The following WWP1 variants were observed in gnomAD, a reference collection of about 807,000 sequenced individuals.
WWP1 encodes NEDD4-like E3 ubiquitin-protein ligase WWP1.
WWP1 carries 49 observed loss-of-function variants against 130.6 expected under a neutral mutation model. That is an observed-to-expected ratio of 0.38 (90% CI 0.30 to 0.48). The LOEUF (loss-of-function observed/expected upper bound fraction) is 0.48. Among genes scored for constraint, WWP1 ranks in the 20% least tolerant of loss-of-function variants. The pLI is 0.99. For missense variants in WWP1, 809 were observed against 1,100.6 expected (o/e 0.74, Z 3.75); for synonymous variants, 332 against 367.8 (o/e 0.90, Z 1.11).
chr8:86,354,081 C>T (rs1289470622), intron 1 of WWP1, among the ~76,000 whole-genome samples: 1 of 152,182 alleles, frequency 6.6e-6, no homozygotes, highest in Non-Finnish European at 1.5e-5. Context: ...TGGGTGTTGG[C>T]ACCCATGGGC....
At chr8:86,466,422 C>T (rs926190996) in intron 24 of WWP1, among the ~76,000 whole-genome samples, 26 of 151,808 alleles carry the variant, frequency 1.7e-4, no homozygotes, top group African/African-American at 5.6e-4. Context: ...ATAAAAAATT[C>T]TCGGTAAATG....
At chr8:86,451,288 T>C (rs1420722643) in intron 20 of WWP1, among the ~76,000 whole-genome samples, 1 of 139,840 alleles carries the variant, frequency 7.2e-6, no homozygotes, top group African/African-American at 2.7e-5. Flanking sequence ...AGGGAGATTT[T>C]GGTACAGGGA....
chr8:86,405,279 C>T (rs1050403161), intron 8 of WWP1, among the ~76,000 whole-genome samples: 1 of 150,048 alleles, frequency 6.7e-6, no homozygotes, highest in Non-Finnish European at 1.5e-5. Flanking sequence ...TGCTTTTAAT[C>T]TCTTAATCTG....
intron 9 of WWP1, 85 bp from the exon 10 acceptor site, chr8:86,425,138 A>T: frequency 9.9e-7 from 1 of 1,013,124 alleles, no homozygotes; most frequent in Non-Finnish European, 1.5e-6. Flanking sequence ...GCTTATCTGT[A>T]ATTTTTCTGA....
intron 1 of WWP1, among the ~76,000 whole-genome samples, chr8:86,344,058 A>G (rs1192201069): frequency 6.6e-6 from 1 of 152,206 alleles, no homozygotes; most frequent in Non-Finnish European, 1.5e-5. Context: ...CACCTTTTAA[A>G]GAAGAAAGTC....
chr8:86,411,010 A>G (rs1181655165), intron 8 of WWP1, among the ~76,000 whole-genome samples: 1 of 152,226 alleles, frequency 6.6e-6, no homozygotes, highest in African/African-American at 2.4e-5. Flanking sequence ...AAATTAGGAA[A>G]ACTGTGTCAC....
intron 3 of WWP1, among the ~76,000 whole-genome samples, chr8:86,379,914 G>A (rs1314980684): frequency 6.6e-6 from 1 of 152,128 alleles, no homozygotes; most frequent in African/African-American, 2.4e-5. Flanking sequence ...GTATATTGTT[G>A]ATAGGAATAT....
At chr8:86,450,213 C>G (rs1811101969) in intron 20 of WWP1, among the ~76,000 whole-genome samples, 1 of 152,112 alleles carries the variant, frequency 6.6e-6, no homozygotes, top group Non-Finnish European at 1.5e-5. Flanking sequence ...GCTTGGCATT[C>G]TTGGCCTCTT....
Position 86,392,052 on chromosome 8 carries a change from GT to G in WWP1, c.335-6289del, listed in dbSNP as rs1307133414. 2.5e-4 allele frequency among the ~76,000 whole-genome samples: 38 copies of G among 152,204 alleles called. 1 individual carries two copies. ...GGCAGCCTTAAGTTTTCTCAGGCAG[GT>G]GCTTTAAGGGGAGTTAGGGTTATCC... On this transcript the variant is annotated intron_variant, in intron 5 of 24. Transcript: ENST00000517970.
chr8:86,391,883 T>C (rs1283896793), intron 5 of WWP1, among the ~76,000 whole-genome samples: 1 of 152,154 alleles, frequency 6.6e-6, no homozygotes, highest in Non-Finnish European at 1.5e-5. Context: ...GGAATGTCTT[T>C]CAGGCCCTTG....
intron 1 of WWP1, among the ~76,000 whole-genome samples, chr8:86,359,046 T>C (rs1823413818): frequency 6.6e-6 from 1 of 152,192 alleles, no homozygotes. Context: ...GGTATCCAAA[T>C]CTGTATGAGA....
At position 86,342,707 on chromosome 8, in the gene WWP1, C is replaced by CGGGGTGGGGGTGGGGGTG; in HGVS notation, c.-322_-321insTGGGGGTGGGGGTGGGGG. 1 of 192,712 alleles carries CGGGGTGGGGGTGGGGGTG rather than the reference C, an allele frequency of 5.2e-6. No homozygotes were observed. The highest frequency in any genetic ancestry group is 4.1e-4 in the South Asian group (1 of 2,458). 11.9% of individuals were successfully genotyped at this position (192,712 alleles called of 1,614,324 possible). On this transcript the variant is annotated 5_prime_UTR_variant, in exon 1 of 25. Coordinates refer to ENST00000517970, the MANE Select transcript of WWP1 (RefSeq NM_007013.4). ...GGGTCGGCTGGGGGTGGCGCGTGGA[C>CGGGGTGGGGGTGGGGGTG]GGGGTGGGGGTGGGGGGAGGGTCGG...
chr8:86,425,100 G>A (rs1299117921), intron 9 of WWP1, 123 bp from the exon 10 acceptor site: 7 of 597,366 alleles, frequency 1.2e-5, no homozygotes, highest in Non-Finnish European at 1.7e-5. Context: ...ATATATAGCT[G>A]TGTGTGTGTA....
chr8:86,449,524 A>AT (rs946325359), intron 20 of WWP1, among the ~76,000 whole-genome samples: 12 of 152,188 alleles, frequency 7.9e-5, no homozygotes, highest in African/African-American at 2.7e-4. Flanking sequence ...TTTTTCAATC[A>AT]TTTTTTTAAA....
intron 1 of WWP1, among the ~76,000 whole-genome samples, chr8:86,358,977 C>G (rs1182685337): frequency 2.6e-5 from 4 of 152,096 alleles, no homozygotes; most frequent in Non-Finnish European, 5.9e-5. Flanking sequence ...GACACCTGAG[C>G]GGACAGATGA....
intron 7 of WWP1, among the ~76,000 whole-genome samples, chr8:86,399,543 G>C (rs932335668): frequency 2.0e-5 from 3 of 152,160 alleles, no homozygotes; most frequent in Non-Finnish European, 4.4e-5. Context: ...ATAGTTACTA[G>C]TATCGTTTCT....
chr8:86,358,055 G>A (rs1179172630), intron 1 of WWP1, among the ~76,000 whole-genome samples: 1 of 152,204 alleles, frequency 6.6e-6, no homozygotes, highest in Non-Finnish European at 1.5e-5. Context: ...CTTCTAAAGT[G>A]TTTGGAATGT....
chr8:86,438,042 C>T (rs929627815), intron 16 of WWP1, among the ~76,000 whole-genome samples: 5 of 152,200 alleles, frequency 3.3e-5, no homozygotes, highest in South Asian at 2.1e-4. Flanking sequence ...CCTCGTGATC[C>T]ACCTGCCTTG....
chr8:86,367,887 C>G (rs1489940370), intron 1 of WWP1, among the ~76,000 whole-genome samples: 1 of 152,172 alleles, frequency 6.6e-6, no homozygotes, highest in African/African-American at 2.4e-5. Context: ...TCATTCTGTT[C>G]AACATTTATT....
Sources: gnomAD v4.1 joint callset for allele counts (sites outside exome capture counted in the v4.1 genomes callset) on GRCh38, gnomAD v4.1.1 for gene constraint, MANE v1.5 for transcripts, NCBI Gene and HGNC (gene_info 2026-07-23, HGNC 2026-07-21) for gene names.